The following TMF1 variants were observed in gnomAD, a reference collection of about 807,000 sequenced individuals.
The protein encoded by TMF1 is TATA element modulatory factor 1, also known as TATA element modulatory factor.
A neutral mutation model predicts 126.5 loss-of-function variants in TMF1; 71 were observed. The observed-to-expected ratio is 0.56, with a 90% CI of 0.46 to 0.68. The LOEUF (loss-of-function observed/expected upper bound fraction) is 0.68, where lower values mean the gene tolerates loss of function less well. Among genes scored for constraint, TMF1 ranks in the 30% least tolerant of loss-of-function variants. The pLI, the probability that TMF1 is intolerant of heterozygous loss-of-function variation, is 0.00. For synonymous variants in TMF1, 461 were observed against 430.5 expected (o/e 1.07, Z -0.88); for missense variants, 1,259 against 1,253.2 (o/e 1.00, Z -0.07).
intron 3 of TMF1, 96 bp downstream of exon 3, chr3:69,044,396 C>T (rs1055179780): frequency 3.6e-5 from 23 of 641,736 alleles, no homozygotes; most frequent in African/African-American, 3.2e-4. Context: ...GATAAAATTA[C>T]AAAACATTTT....
intron 8 of TMF1, among the ~76,000 whole-genome samples, chr3:69,037,761 G>A (rs530429640): frequency 5.3e-5 from 8 of 152,050 alleles, no homozygotes; most frequent in African/African-American, 9.6e-5. Flanking sequence ...AGCTGAGATC[G>A]TGCCACTGTG....
chr3:69,049,747 C>A (rs1284520022), intron 1 of TMF1, among the ~76,000 whole-genome samples: 1 of 152,126 alleles, frequency 6.6e-6, no homozygotes, highest in Non-Finnish European at 1.5e-5. Context: ...ATAGCTACTA[C>A]TAAAATCCTG....
intron 9 of TMF1, 128 bp from the exon 10 acceptor site, chr3:69,033,832 T>A: frequency 1.1e-6 from 1 of 889,712 alleles, no homozygotes; most frequent in Non-Finnish European, 1.6e-6. Flanking sequence ...GCTTTTTAAT[T>A]ATTATTATTA....
Position 69,047,873 on chromosome 3 carries a change from CTT to C in TMF1, c.830_831del (p.Gln277ArgfsTer26), listed in dbSNP as rs1174205153. 2 of 1,613,946 alleles carry C rather than the reference CTT, an allele frequency of 1.2e-6. No individual in the cohort carries two copies. The highest frequency in any genetic ancestry group is 1.7e-6 in the Non-Finnish European group (2 of 1,180,018). On this transcript the variant is annotated frameshift_variant, in exon 2 of 17. Transcript: ENST00000398559. LOFTEE classifies it high-confidence loss of function. Reference protein sequence around the residue: ...VISESSASSRQETTDSKSSLH... With the variant: ...VISESSASSRXETTDSKSSLH... Reference sequence around the variant, plus strand: ...AGACTTGATTTTGAATCTGTAGTCTCTTGTCTCGAGCTCGCTGAGCTCTCACT... The same window carrying C: ...AGACTTGATTTTGAATCTGTAGTCTCGTCTCGAGCTCGCTGAGCTCTCACT...
In TMF1 at chr3:69,044,619, G is replaced by A. The variant is rs770829431; in HGVS notation, c.1348-24C>T. The A allele has an allele frequency of 3.3e-6, 5 of 1,505,782 alleles. No homozygotes were observed. In the South Asian group the frequency reaches 4.8e-5, roughly 14 times the overall value. 93.3% of individuals were successfully genotyped at this position (1,505,782 alleles called of 1,614,324 possible). A position where few individuals can be genotyped will look rare whatever the true frequency, so the allele number is the denominator to read the frequency against. On this transcript the variant is annotated intron_variant, in intron 2 of 16. Coordinates refer to ENST00000398559, the MANE Select transcript of TMF1 (RefSeq NM_007114.3). Reference sequence around the variant, plus strand: ...GTCTGGATAAGGCGAATACATAAAAGTCAGAACGCTTAGCTTTAAAAAAGA... The same window carrying A: ...GTCTGGATAAGGCGAATACATAAAAATCAGAACGCTTAGCTTTAAAAAAGA...
At chr3:69,028,626 C>T (rs966856431) in intron 11 of TMF1, among the ~76,000 whole-genome samples, 2 of 152,120 alleles carry the variant, frequency 1.3e-5, no homozygotes, top group African/African-American at 4.8e-5. Flanking sequence ...TTAGGGAGTT[C>T]TATGAAAATG....
chr3:69,032,632 A>T (rs1359461759), intron 10 of TMF1, among the ~76,000 whole-genome samples: 3 of 139,054 alleles, frequency 2.2e-5, no homozygotes, highest in African/African-American at 8.1e-5. Flanking sequence ...TTTTTTTGAG[A>T]TGCAGTCTCG....
rs115768674 is a variant in TMF1, at chr3:69,040,049, A to G, written c.1685-356T>C. 7.4e-4 allele frequency among the ~76,000 whole-genome samples: 112 copies of G among 152,364 alleles called. 2 individuals carry two copies. The highest frequency in any genetic ancestry group is 2.5e-3 in the African/African-American group (102 of 41,584). ...TCTGCTGATGTGATATAGTTGTTCA[A>G]TATCACCCAGATATTTCCTACTAGA... On this transcript the variant is annotated intron_variant, in intron 5 of 16. Coordinates refer to ENST00000398559, the MANE Select transcript of TMF1 (RefSeq NM_007114.3).
At position 69,023,029 on chromosome 3, in the gene TMF1, C is replaced by G; in HGVS notation, c.*148G>C. 2 of 573,190 alleles carry G rather than the reference C, an allele frequency of 3.5e-6. No individual in the cohort carries two copies. The highest frequency in any genetic ancestry group is 5.9e-6 in the Non-Finnish European group (2 of 340,448). The allele number at this position is 573,190 out of a possible 1,614,324, so 35.5% of individuals were successfully genotyped here. On this transcript the variant is annotated 3_prime_UTR_variant, in exon 17 of 17. Transcript: ENST00000398559. ...AATAATTTAACTGTAAATATTACTA[C>G]ATAGTGTAAAACAATTTTAAAAAAA...
At position 69,038,569 on chromosome 3, in the gene TMF1, T is replaced by A. The variant is rs376039606; in HGVS notation, c.2146A>T (p.Ile716Phe). ...EARQQQETLA[I>F]QVGDLRLALQ... ...ATTCATCATCCATTGCTTACTTGAA[T>A]GGCTAATGTTTCTTGCTGCTGACGG... Residue 716 changes from isoleucine to phenylalanine, a missense_variant, in exon 8 of 17, where the codon ATT becomes TTT. Transcript: ENST00000398559. The A allele has an allele frequency of 1.2e-6, 2 of 1,612,020 alleles. No individual in the cohort carries two copies. The highest frequency in any genetic ancestry group is 1.1e-5 in the South Asian group (1 of 90,788).
Position 69,021,524 on chromosome 3 carries a change from A to G in TMF1, c.*1653T>C, listed in dbSNP as rs2091737652. ...AGAATATTTATTAACACTACCAATC[A>G]GAGATCCAATGACAGAAACACTGTC... On this transcript the variant is annotated 3_prime_UTR_variant, in exon 17 of 17. Coordinates refer to ENST00000398559, the MANE Select transcript of TMF1 (RefSeq NM_007114.3). The G allele has an allele frequency of 6.6e-6, 1 of 152,562 alleles. No individual in the cohort carries two copies. The allele number at this position is 152,562 out of a possible 1,614,324, so 9.5% of individuals were successfully genotyped here.
chr3:69,045,198 C>T (rs1239599367), intron 2 of TMF1, among the ~76,000 whole-genome samples: 2 of 152,220 alleles, frequency 1.3e-5, no homozygotes, highest in Non-Finnish European at 2.9e-5. Flanking sequence ...TGGCTCATGC[C>T]TGTAATCCCA....
intron 10 of TMF1, among the ~76,000 whole-genome samples, chr3:69,032,431 GTGTCAGGC>G (rs1203243433): frequency 1.3e-5 from 2 of 152,148 alleles, no homozygotes; most frequent in African/African-American, 4.8e-5. Context: ...ATTACATTTA[GTGTCAGGC>G]GTAGAAGGCA....
At chr3:69,042,717 T>G in intron 5 of TMF1, 90 bp downstream of exon 5, 10 of 1,089,180 alleles carry the variant, frequency 9.2e-6, no homozygotes, top group Non-Finnish European at 1.4e-5. Context: ...GCTTTCAGTA[T>G]TTTTAATTAG....
At position 69,021,928 on chromosome 3, in the gene TMF1, C is replaced by G. The variant is rs1200072893; in HGVS notation, c.*1249G>C. ...TGAACTCCTGACATCAGGTGATATG[C>G]CCGCCTTGGCCTCCCAAAGTGCTGG... On this transcript the variant is annotated 3_prime_UTR_variant, in exon 17 of 17. Transcript: ENST00000398559. The G allele has an allele frequency of 6.6e-6, 1 of 152,328 alleles. No homozygotes were observed. The highest frequency in any genetic ancestry group is 1.5e-5 in the Non-Finnish European group (1 of 68,064). 9.4% of individuals were successfully genotyped at this position (152,328 alleles called of 1,614,324 possible).
At chr3:69,042,771 C>T (rs745450060) in intron 5 of TMF1, 36 bp downstream of exon 5, 30 of 1,510,238 alleles carry the variant, frequency 2.0e-5, no homozygotes, top group Non-Finnish European at 2.5e-5. Flanking sequence ...CCTGTTCTTA[C>T]AGTATTTTTC....
rs200894146 is a variant in TMF1, at chr3:69,030,027, A to C, written c.2402-20T>G. ...ATTCACCTGATTACAGGACAGAAAA[A>C]AAAATCACATACACATACAGCCCAG... is the stretch of plus-strand genomic sequence containing the variant. On this transcript the variant is annotated intron_variant, in intron 10 of 16. Coordinates refer to ENST00000398559, the MANE Select transcript of TMF1 (RefSeq NM_007114.3). 430 of 1,590,972 alleles carry C rather than the reference A, an allele frequency of 2.7e-4. 1 individual carries two copies. The highest frequency in any genetic ancestry group is 3.6e-4 in the Non-Finnish European group (419 of 1,171,472).
chr3:69,027,014 GAGAA>G (rs2091771778), intron 13 of TMF1, among the ~76,000 whole-genome samples: 1 of 150,878 alleles, frequency 6.6e-6, no homozygotes, highest in African/African-American at 2.4e-5. Context: ...TTATTTTTTT[GAGAA>G]AGAGTCTCGA....
At chr3:69,046,283 C>G (rs911683711) in intron 2 of TMF1, among the ~76,000 whole-genome samples, 6 of 94,994 alleles carry the variant, frequency 6.3e-5, no homozygotes, top group African/African-American at 2.4e-4. Flanking sequence ...AGGAAGGGTT[C>G]CTTTTTGGAC....
Sources: allele counts gnomAD v4.1 joint callset (sites outside exome capture counted in the v4.1 genomes callset), GRCh38; gene constraint gnomAD v4.1.1; transcripts MANE v1.5; gene names NCBI Gene and HGNC (gene_info 2026-07-23, HGNC 2026-07-21).